The following MACROD2 variants were observed in gnomAD, a reference collection of about 807,000 sequenced individuals.
MACROD2 encodes the protein mono-ADP ribosylhydrolase 2, also known as ADP-ribose glycohydrolase MACROD2.
MACROD2 carries 36 observed loss-of-function variants against 70.4 expected under a neutral mutation model. The ratio of observed to expected loss-of-function variants is 0.51; its 90% CI spans 0.39 to 0.68. The LOEUF is 0.68. Ranked by LOEUF, MACROD2 falls within the 30% of genes least tolerant of loss-of-function variation. The pLI, the probability that MACROD2 is intolerant of heterozygous loss-of-function variation, is 0.00. For synonymous variants in MACROD2, 172 were observed against 178.8 expected (o/e 0.96, Z 0.30); for missense variants, 496 against 538.4 (o/e 0.92, Z 0.78).
rs2066735446 is a variant in MACROD2 at position 16,003,082 on chromosome 20, C to CACA, written c.1153+15924_1153+15925insACA. Reference sequence around the variant, plus strand: ...CAAAATAGAAAACCCACCCACCCACCCACACACACACACACACACACACAC... The same window carrying CACA: ...CAAAATAGAAAACCCACCCACCCACCACACACACACACACACACACACACACAC... On this transcript the variant is annotated intron_variant, in intron 15 of 17. Transcript: ENST00000684519. Among the ~76,000 whole-genome samples the CACA allele has an allele frequency of 2.0e-3, 105 of 53,082 alleles. 1 individual carries two copies. The highest frequency in any genetic ancestry group is 5.6e-3 in the African/African-American group (92 of 16,320). The allele number at this position is 53,082 out of a possible 152,430, so 34.8% of individuals were successfully genotyped here. A position where few individuals can be genotyped will look rare whatever the true frequency, so the allele number is the denominator to read the frequency against.
chr20:15,017,466 G>C (rs771091596), intron 5 of MACROD2, among the ~76,000 whole-genome samples: 5 of 152,170 alleles, frequency 3.3e-5, no homozygotes, highest in Non-Finnish European at 7.3e-5. Flanking sequence ...GGCTTTTCCA[G>C]GTTCACAGTG....
intron 8 of MACROD2, among the ~76,000 whole-genome samples, chr20:15,530,548 C>T (rs934765317): frequency 4.0e-5 from 6 of 151,666 alleles, no homozygotes; most frequent in African/African-American, 9.7e-5. Flanking sequence ...CTGGCTAACA[C>T]GGTGAAAACC....
At chr20:15,284,055 A>G (rs889636249) in intron 6 of MACROD2, among the ~76,000 whole-genome samples, 2 of 152,202 alleles carry the variant, frequency 1.3e-5, no homozygotes, top group Admixed American at 1.3e-4. Flanking sequence ...TACTAATACA[A>G]CACTGAAAAT....
chr20:14,678,929 T>TC (rs2070895254), intron 4 of MACROD2, among the ~76,000 whole-genome samples: 1 of 151,986 alleles, frequency 6.6e-6, no homozygotes, highest in African/African-American at 2.4e-5. Flanking sequence ...TTGAGTAACC[T>TC]AACCATTTCC....
intron 5 of MACROD2, among the ~76,000 whole-genome samples, chr20:15,180,602 A>G (rs1213622097): frequency 6.6e-6 from 1 of 152,178 alleles, no homozygotes; most frequent in Non-Finnish European, 1.5e-5. Flanking sequence ...CCTCTCTGGG[A>G]ACACTTTTCC....
intron 6 of MACROD2, among the ~76,000 whole-genome samples, chr20:15,359,071 A>G (rs751672930): frequency 2.6e-5 from 4 of 152,190 alleles, no homozygotes; most frequent in Non-Finnish European, 5.9e-5. Flanking sequence ...TGAAAGCTTT[A>G]TTAGCAACAG....
intron 3 of MACROD2, among the ~76,000 whole-genome samples, chr20:14,402,169 T>G (rs6135138): frequency 0.28 from 42,829 of 152,084 alleles, 7,021 homozygotes; most frequent in South Asian, 0.57. Flanking sequence ...TCTTCTGGCT[T>G]TAATTTGTTG....
chr20:14,476,280 A>T (rs966606861), intron 3 of MACROD2, among the ~76,000 whole-genome samples: 1 of 152,218 alleles, frequency 6.6e-6, no homozygotes, highest in Non-Finnish European at 1.5e-5. Context: ...ATGCAACTGC[A>T]TGCTATCTAG....
At chr20:15,449,764 G>T (rs1273002678) in intron 7 of MACROD2, among the ~76,000 whole-genome samples, 1 of 152,070 alleles carries the variant, frequency 6.6e-6, no homozygotes, top group Non-Finnish European at 1.5e-5. Context: ...AGGCCAAGGT[G>T]GGCGGATCAC....
intron 8 of MACROD2, among the ~76,000 whole-genome samples, chr20:15,744,691 TATACAC>T (rs1407284188): frequency 1.4e-5 from 1 of 72,724 alleles, no homozygotes; most frequent in Non-Finnish European, 2.5e-5. Context: ...AGAAACCAAG[TATACAC>T]ACACACACAC....
intron 8 of MACROD2, among the ~76,000 whole-genome samples, chr20:15,613,910 T>C (rs902068948): frequency 2.0e-5 from 3 of 152,256 alleles, no homozygotes; most frequent in Non-Finnish European, 2.9e-5. Flanking sequence ...GACCTGCTGC[T>C]GTCATGGCTC....
intron 5 of MACROD2, among the ~76,000 whole-genome samples, chr20:14,815,447 T>C (rs182926633): frequency 6.6e-6 from 1 of 152,162 alleles, no homozygotes; most frequent in East Asian, 1.9e-4. Flanking sequence ...AGATTTAATA[T>C]TTATCATAAC....
chr20:14,967,146 T>C (rs1229716345), intron 5 of MACROD2, among the ~76,000 whole-genome samples: 2 of 152,228 alleles, frequency 1.3e-5, no homozygotes, highest in Admixed American at 1.3e-4. Flanking sequence ...CTTCAAGTCT[T>C]TGCTGATTTT....
At chr20:15,640,301 A>T (rs569342969) in intron 8 of MACROD2, among the ~76,000 whole-genome samples, 172 of 152,098 alleles carry the variant, frequency 1.1e-3, no homozygotes, top group African/African-American at 4.1e-3. Flanking sequence ...AGGAGAGAGG[A>T]TAGAGAGAGA....
At chr20:15,447,430 T>A (rs1481900010) in intron 7 of MACROD2, among the ~76,000 whole-genome samples, 1 of 152,152 alleles carries the variant, frequency 6.6e-6, no homozygotes, top group African/African-American at 2.4e-5. Flanking sequence ...CTATCTCAAG[T>A]GAGGCAGTGC....
chr20:14,735,237 T>G (rs2071649356), intron 5 of MACROD2, among the ~76,000 whole-genome samples: 1 of 152,142 alleles, frequency 6.6e-6, no homozygotes, highest in African/African-American at 2.4e-5. Context: ...GCCTGTCATA[T>G]CTGATGAGTC....
chr20:14,485,170 A>G (rs999004917), intron 3 of MACROD2, among the ~76,000 whole-genome samples: 5 of 152,072 alleles, frequency 3.3e-5, no homozygotes, highest in African/African-American at 9.7e-5. Context: ...ATACACAGAC[A>G]CACACACACA....
At chr20:16,034,526 G>C (rs1601356906) in intron 15 of MACROD2, among the ~76,000 whole-genome samples, 1 of 151,856 alleles carries the variant, frequency 6.6e-6, no homozygotes, top group East Asian at 1.9e-4. Context: ...TCCGAGCTTG[G>C]GAGTTAAATG....
At chr20:15,951,718 G>T (rs979425856) in intron 12 of MACROD2, among the ~76,000 whole-genome samples, 9 of 152,062 alleles carry the variant, frequency 5.9e-5, no homozygotes, top group Non-Finnish European at 5.9e-5. Flanking sequence ...TGTGCAAGGC[G>T]ATATTTCTCC....
Sources: allele counts gnomAD v4.1 joint callset (sites outside exome capture counted in the v4.1 genomes callset), GRCh38; gene constraint gnomAD v4.1.1; transcripts MANE v1.5; gene names NCBI Gene and HGNC (gene_info 2026-07-23, HGNC 2026-07-21).